The following CD58 variants were observed in gnomAD, a reference collection of about 807,000 sequenced individuals.
CD58 encodes CD58 molecule.
In CD58, 14 loss-of-function variants were observed where a neutral mutation model predicts 27.6. The ratio of observed to expected loss-of-function variants is 0.51; its 90% CI spans 0.34 to 0.79. The LOEUF is 0.79. CD58 is among the 30% of genes least tolerant of loss of function. CD58 has a pLI of 0.02. For missense variants in CD58, 268 were observed against 301.7 expected (o/e 0.89, Z 0.83); for synonymous variants, 117 against 103.8 (o/e 1.13, Z -0.77).
chr1:116,535,905 G>T, intron 3 of CD58, 60 bp downstream of exon 3: 9 of 951,728 alleles, frequency 9.5e-6, no homozygotes, highest in African/African-American at 1.6e-5. Flanking sequence ...TGTGAACCTT[G>T]TGTTAGTCAC....
rs879856161 is a variant in CD58, at chr1:116,515,069, C to T, written c.744-247G>A. Among the ~76,000 whole-genome samples, 3 of 152,206 alleles carry T rather than the reference C, an allele frequency of 2.0e-5. No individual in the cohort carries two copies. The highest frequency in any genetic ancestry group is 4.4e-5 in the Non-Finnish European group (3 of 68,034). On this transcript the variant is annotated intron_variant, in intron 5 of 5. Coordinates refer to ENST00000369489, the MANE Select transcript of CD58 (RefSeq NM_001779.3). This position sits in a 1 kb window ranked among gnomAD's most constrained non-coding sequence, Gnocchi z 4.6. ...TCAATAGCAGCCCCAAGGCTCCTCC[C>T]GCTTACTCTCTGAGTATAACTGAAA...
rs541357212 is a variant in CD58, at chr1:116,570,744, C to T, written c.70+159G>A. Among the ~76,000 whole-genome samples the T allele has an allele frequency of 6.6e-6, 1 of 152,262 alleles. No homozygotes were observed. Among genetic ancestry groups the T allele is most frequent in the South Asian group, 2.1e-4 (1 of 4,826 alleles). On this transcript the variant is annotated intron_variant, in intron 1 of 5. Coordinates refer to ENST00000369489, the MANE Select transcript of CD58 (RefSeq NM_001779.3). This position sits in a 1 kb window ranked among gnomAD's most constrained non-coding sequence, Gnocchi z 6.4. ...GCGATGAAATAACAACTTTCTCTTC[C>T]TGAAAAGGCTCCCACGGCTGAGTTG...
In CD58 at chr1:116,536,192, G is replaced by C. The variant is rs1232411158; in HGVS notation, c.401C>G (p.Thr134Ser). The C allele has an allele frequency of 6.2e-7, 1 of 1,612,544 alleles. No homozygotes were observed. The highest frequency in any genetic ancestry group is 1.7e-5 in the Admixed American group (1 of 59,988). Reference protein sequence around the residue: ...LPSPTLTCALTNGSIEVQCMI... With the variant: ...LPSPTLTCALSNGSIEVQCMI... Reference sequence around the variant, plus strand: ...GCATTGGACTTCAATGCTTCCATTAGTCAATGCACAAGTTAGTGTGGGAGA... The same window carrying C: ...GCATTGGACTTCAATGCTTCCATTACTCAATGCACAAGTTAGTGTGGGAGA... Residue 134 changes from threonine (T) to serine (S), a missense_variant, in exon 3 of 6, where the codon ACT (threonine) becomes AGT (serine). Physicochemically the swap from Thr to Ser is moderately conservative, Grantham distance 58. Coordinates refer to ENST00000369489, the MANE Select transcript of CD58 (RefSeq NM_001779.3). The surrounding 1 kb of genome is among the most constrained non-coding windows in gnomAD (Gnocchi z 5.4).
Position 116,514,617 on chromosome 1 carries a change from C to G in CD58, c.*196G>C. On this transcript the variant is annotated 3_prime_UTR_variant, in exon 6 of 6. Coordinates refer to ENST00000369489, the MANE Select transcript of CD58 (RefSeq NM_001779.3). ...ATTTACTGACAAAAAAAGCAAGCACCTAGTCATATAATAAGTTGATGACAG... is the reference window on the plus strand; with the variant it reads ...ATTTACTGACAAAAAAAGCAAGCACGTAGTCATATAATAAGTTGATGACAG... 3.9e-6 allele frequency: 2 copies of G among 517,928 alleles called. No individual in the cohort carries two copies. The highest frequency in any genetic ancestry group is 7.0e-6 in the Non-Finnish European group (2 of 286,074). The allele number at this position is 517,928 out of a possible 1,614,324, so 32.1% of individuals were successfully genotyped here.
At chr1:116,518,569 G>T in intron 5 of CD58, 1 of 610,502 alleles carries the variant, frequency 1.6e-6, no homozygotes, top group Non-Finnish European at 2.1e-6. Context: ...AAAGAGGATG[G>T]CTTGCTACTT....
intron 1 of CD58, among the ~76,000 whole-genome samples, chr1:116,555,829 C>T (rs1458542197): frequency 6.6e-6 from 1 of 152,018 alleles, no homozygotes; most frequent in East Asian, 1.9e-4. Flanking sequence ...ACTCTCAACC[C>T]CCAGCACAAA....
At chr1:116,553,267 T>C (rs1472169105) in intron 1 of CD58, among the ~76,000 whole-genome samples, 1 of 152,180 alleles carries the variant, frequency 6.6e-6, no homozygotes, top group Non-Finnish European at 1.5e-5. Context: ...ATTTACTAAA[T>C]GAATATCTTC....
At chr1:116,542,710 G>A (rs928914194) in intron 2 of CD58, among the ~76,000 whole-genome samples, 1 of 152,154 alleles carries the variant, frequency 6.6e-6, no homozygotes, top group Admixed American at 6.5e-5. Flanking sequence ...ATATTCCCGA[G>A]GACGGCAAGA....
intron 1 of CD58, among the ~76,000 whole-genome samples, chr1:116,568,465 C>T (rs1313718945): frequency 1.3e-5 from 2 of 152,160 alleles, no homozygotes; most frequent in South Asian, 2.1e-4. Flanking sequence ...GAAGTATTAA[C>T]GACTTCCATC....
chr1:116,566,490 G>T (rs1165652818), intron 1 of CD58, among the ~76,000 whole-genome samples: 1 of 152,200 alleles, frequency 6.6e-6, no homozygotes, highest in Non-Finnish European at 1.5e-5. Context: ...TTTGCACCCA[G>T]AACTTGATTT....
At position 116,552,382 on chromosome 1, in the gene CD58, T is replaced by G. The variant is rs1391555117; in HGVS notation, c.71-7778A>C. On this transcript the variant is annotated intron_variant, in intron 1 of 5. Transcript: ENST00000369489. This position sits in a 1 kb window ranked among gnomAD's most constrained non-coding sequence, Gnocchi z 4.5. ...CAGATCACCATAACAGATATGATAA[T>G]GAAAAAGCGTTAAATATTGTGGGAA... 6.6e-6 allele frequency among the ~76,000 whole-genome samples: 1 copy of G among 152,122 alleles called. No individual in the cohort carries two copies. The highest frequency in any genetic ancestry group is 6.5e-5 in the Admixed American group (1 of 15,276).
rs142073474 is a variant in CD58, at chr1:116,519,207, G to C, written c.743+24C>G. ...AGGGCTGCTGTTGTTCTGGCACAGA[G>C]TGCACAGCCTGCAGTGTACTTACTT... On this transcript the variant is annotated intron_variant, in intron 5 of 5. Transcript: ENST00000369489. This position sits in a 1 kb window ranked among gnomAD's most constrained non-coding sequence, Gnocchi z 4.7. 6.2e-7 allele frequency: 1 copy of C among 1,612,128 alleles called. No individual in the cohort carries two copies. The highest frequency in any genetic ancestry group is 8.5e-7 in the Non-Finnish European group (1 of 1,179,082).
chr1:116,562,160 T>C (rs560071549), intron 1 of CD58, among the ~76,000 whole-genome samples: 50 of 152,108 alleles, frequency 3.3e-4, no homozygotes, highest in African/African-American at 1.1e-3. Flanking sequence ...CAATCTTTAC[T>C]ATTAAAAAAA....
Position 116,516,072 on chromosome 1 carries a change from C to T in CD58, c.744-1250G>A, listed in dbSNP as rs1657076710. 6.6e-6 allele frequency among the ~76,000 whole-genome samples: 1 copy of T among 151,972 alleles called. No homozygotes were observed. The highest frequency in any genetic ancestry group is 1.5e-5 in the Non-Finnish European group (1 of 68,008). On this transcript the variant is annotated intron_variant, in intron 5 of 5. Transcript: ENST00000369489. The surrounding 1 kb of genome is among the most constrained non-coding windows in gnomAD (Gnocchi z 6.1). ...AATTTAACTTAATTTTTTTGATGCC[C>T]AGGCTGGTCTCTTAACTCCTGGGCT...
chr1:116,518,823 C>A, intron 5 of CD58: 1 of 1,020,208 alleles, frequency 9.8e-7, no homozygotes, highest in Non-Finnish European at 1.2e-6. Context: ...CCAACTTTTT[C>A]TGGGATGGGA....
intron 3 of CD58, among the ~76,000 whole-genome samples, chr1:116,526,045 TTG>T (rs1267608343): frequency 6.6e-6 from 1 of 152,156 alleles, no homozygotes. Context: ...ATTGGGTTGT[TTG>T]TGTTTTTCTT....
chr1:116,540,243 A>C (rs772026272), intron 2 of CD58, among the ~76,000 whole-genome samples: 33 of 152,268 alleles, frequency 2.2e-4, no homozygotes, highest in Non-Finnish European at 4.1e-4. Flanking sequence ...CCTGTCCAAA[A>C]TATGCTCACT....
chr1:116,561,132 T>C (rs1273088244), intron 1 of CD58, among the ~76,000 whole-genome samples: 1 of 152,254 alleles, frequency 6.6e-6, no homozygotes, highest in Non-Finnish European at 1.5e-5. Flanking sequence ...AGCCTGTATT[T>C]ACTAAAGAAA....
At chr1:116,561,022 C>T (rs1293838489) in intron 1 of CD58, among the ~76,000 whole-genome samples, 2 of 152,156 alleles carry the variant, frequency 1.3e-5, no homozygotes, top group African/African-American at 4.8e-5. Context: ...TGTGCAGAAA[C>T]AGCATGAGAA....
Sources: gnomAD v4.1 joint callset for allele counts (sites outside exome capture counted in the v4.1 genomes callset) on GRCh38, gnomAD v4.1.1 for gene constraint, Gnocchi (gnomAD v3.1) non-coding constraint, MANE v1.5 for transcripts, NCBI Gene and HGNC (gene_info 2026-07-23, HGNC 2026-07-21) for gene names.